The following TPO variants were observed in gnomAD, a reference collection of about 807,000 sequenced individuals.
The protein encoded by TPO is thyroid peroxidase, also known as thyroid microsomal antigen.
TPO carries 78 observed loss-of-function variants against 96.9 expected under a neutral mutation model. The ratio of observed to expected loss-of-function variants is 0.81; its 90% CI spans 0.67 to 0.97. The LOEUF is 0.97. Ranked by LOEUF, TPO falls within the 50% of genes least tolerant of loss-of-function variation. TPO has a pLI of 0.00. For synonymous variants in TPO, 547 were observed against 538.0 expected, an observed-to-expected ratio of 1.02 and a Z score of -0.23; for missense variants, 1,252 against 1,274.8, an observed-to-expected ratio of 0.98 and a Z score of 0.27.
intron 15 of TPO, among the ~76,000 whole-genome samples, chr2:1,532,848 C>T (rs1172880682): frequency 1.3e-5 from 1 of 75,890 alleles, no homozygotes; most frequent in Non-Finnish European, 2.3e-5. Context: ...TCCCCAAATC[C>T]CCCCCACTCT....
intron 8 of TPO, chr2:1,478,169 T>C (rs1670165520): frequency 1.0e-6 from 1 of 985,314 alleles, no homozygotes; most frequent in Non-Finnish European, 1.2e-6. Flanking sequence ...TTTATGACTT[T>C]CTTAAGTATC....
intron 15 of TPO, among the ~76,000 whole-genome samples, chr2:1,521,203 C>T (rs539124574): frequency 6.6e-6 from 1 of 152,278 alleles, no homozygotes; most frequent in Admixed American, 6.5e-5. Context: ...ATGGGAAAGC[C>T]GCGAGGTCCT....
At chr2:1,403,291 G>A (rs1272226946) in intron 1 of TPO, among the ~76,000 whole-genome samples, 2 of 152,214 alleles carry the variant, frequency 1.3e-5, no homozygotes, top group African/African-American at 4.8e-5. Context: ...CACAGGCCAT[G>A]CCCGGGCAGC....
chr2:1,428,626 G>A (rs925685338), intron 3 of TPO, among the ~76,000 whole-genome samples: 1 of 152,200 alleles, frequency 6.6e-6, no homozygotes, highest in Non-Finnish European at 1.5e-5. Flanking sequence ...GATGAGACAG[G>A]TGAGCCCTCG....
intron 5 of TPO, among the ~76,000 whole-genome samples, chr2:1,442,687 G>C (rs1666313504): frequency 6.6e-6 from 1 of 152,208 alleles, no homozygotes; most frequent in Non-Finnish European, 1.5e-5. Context: ...CACTTTGTCA[G>C]TTACAAGCTG....
At position 1,449,126 on chromosome 2, in the gene TPO, G is replaced by A. The variant is rs77152824; in HGVS notation, c.483-4568G>A. 5.4e-3 allele frequency among the ~76,000 whole-genome samples: 822 copies of A among 152,296 alleles called. 3 individuals carry two copies. The highest frequency in any genetic ancestry group is 0.012 in the South Asian group (57 of 4,824). On this transcript the variant is annotated intron_variant, in intron 5 of 16. Transcript: ENST00000329066. ...CTGGGGGAGACGATCAGGTCTGAAA[G>A]GAAAATTCCATATGGGTATTTAAGT...
chr2:1,537,066 CACTGTGTGCAA>C (rs1230367598), intron 15 of TPO, among the ~76,000 whole-genome samples: 23 of 99,056 alleles, frequency 2.3e-4, no homozygotes, highest in South Asian at 3.8e-4. Flanking sequence ...AAATCCCTGC[CACTGTGTGCAA>C]CCTCACCAAA....
At chr2:1,412,659 G>C (rs573257062), upstream of TPO, among the ~76,000 whole-genome samples, 1 of 152,282 alleles carries the variant, frequency 6.6e-6, no homozygotes, top group Non-Finnish European at 1.5e-5. Context: ...GTCACATTTG[G>C]AGAAGGGAAA....
intron 1 of TPO, among the ~76,000 whole-genome samples, chr2:1,383,714 C>T (rs1253105796): frequency 2.0e-5 from 3 of 152,176 alleles, no homozygotes; most frequent in African/African-American, 7.2e-5. Context: ...TGTGCAGAAG[C>T]TCTTTAGTTT....
At chr2:1,453,420 G>A (rs961415353) in intron 5 of TPO, among the ~76,000 whole-genome samples, 1 of 152,178 alleles carries the variant, frequency 6.6e-6, no homozygotes, top group Admixed American at 6.5e-5. Context: ...ACAGGGGAGT[G>A]GGAAGGAACC....
intron 16 of TPO, chr2:1,541,015 A>G: frequency 1.5e-6 from 2 of 1,370,382 alleles, no homozygotes; most frequent in Non-Finnish European, 1.9e-6. Flanking sequence ...ATCGGCTGGA[A>G]GCACAGGAGA....
intron 1 of TPO, among the ~76,000 whole-genome samples, chr2:1,392,332 C>A (rs745846935): frequency 1.3e-5 from 2 of 152,090 alleles, no homozygotes; most frequent in African/African-American, 4.8e-5. Context: ...GTTGAACGAG[C>A]CTTGCATCCC....
At chr2:1,410,988 C>G (rs145073439), upstream of TPO, among the ~76,000 whole-genome samples, 650 of 152,236 alleles carry the variant, frequency 4.3e-3, 3 homozygotes, top group African/African-American at 0.015. Context: ...TCAGCCAGAT[C>G]TTTAGTTGCC....
intron 1 of TPO, among the ~76,000 whole-genome samples, chr2:1,380,472 G>A (rs1661794241): frequency 6.6e-6 from 1 of 151,246 alleles, no homozygotes; most frequent in Non-Finnish European, 1.5e-5. Context: ...AAATGGTCAT[G>A]TTCATCATTA....
intron 1 of TPO, among the ~76,000 whole-genome samples, chr2:1,404,176 C>G (rs1232879277): frequency 6.6e-6 from 1 of 152,154 alleles, no homozygotes; most frequent in Non-Finnish European, 1.5e-5. Context: ...TTTTTTCACC[C>G]TGGAATGCAC....
rs1458585550 is a variant in TPO at position 1,374,890 on chromosome 2, C to A, written n.180+488C>A. Among the ~76,000 whole-genome samples the A allele has an allele frequency of 2.0e-5, 3 of 151,268 alleles. No individual in the cohort carries two copies. The East Asian group carries it at 5.8e-4, about 29-fold the overall frequency. On this transcript the variant is annotated intron_variant and non_coding_transcript_variant, in intron 1 of 5. Coordinates refer to the TPO transcript ENST00000497517. ...TACAGGCACCCGCCACCACGCCCAGCTAAATTTTTTTTGTATTTTTAGTAG... is the reference window on the plus strand; with the variant it reads ...TACAGGCACCCGCCACCACGCCCAGATAAATTTTTTTTGTATTTTTAGTAG...
intron 1 of TPO, among the ~76,000 whole-genome samples, chr2:1,397,885 A>T (rs1321797205): frequency 6.6e-6 from 1 of 152,214 alleles, no homozygotes; most frequent in African/African-American, 2.4e-5. Flanking sequence ...GACACATGTC[A>T]GAAGCTCCTT....
At chr2:1,416,222 G>A (rs1375843344) in intron 2 of TPO, among the ~76,000 whole-genome samples, 1 of 152,178 alleles carries the variant, frequency 6.6e-6, no homozygotes, top group East Asian at 1.9e-4. Flanking sequence ...TCAGGAAAAA[G>A]TGATTTTGCA....
intron 1 of TPO, among the ~76,000 whole-genome samples, chr2:1,386,850 C>A (rs1661902542): frequency 6.6e-6 from 1 of 152,140 alleles, no homozygotes; most frequent in Non-Finnish European, 1.5e-5. Context: ...TGGCTGGTAC[C>A]AGTTGTTCCT....
Sources: allele counts gnomAD v4.1 joint callset (sites outside exome capture counted in the v4.1 genomes callset), GRCh38; gene constraint gnomAD v4.1.1; transcripts MANE v1.5; gene names NCBI Gene and HGNC (gene_info 2026-07-23, HGNC 2026-07-21).